The following MIS18BP1 variants were observed in gnomAD, a reference collection of about 807,000 sequenced individuals.
The protein encoded by MIS18BP1 is mis18-binding protein 1.
MIS18BP1 carries 72 observed loss-of-function variants against 116.1 expected under a neutral mutation model. The observed-to-expected ratio is 0.62, with a 90% CI of 0.51 to 0.75. MIS18BP1 has a LOEUF of 0.75. Ranked by LOEUF, MIS18BP1 falls within the 30% of genes least tolerant of loss-of-function variation. The pLI, the probability that MIS18BP1 is intolerant of heterozygous loss-of-function variation, is 0.00. For synonymous variants in MIS18BP1, 386 were observed against 427.0 expected, an observed-to-expected ratio of 0.90 and a Z score of 1.18; for missense variants, 1,363 against 1,303.2, an observed-to-expected ratio of 1.05 and a Z score of -0.71.
At chr14:45,214,508 G>A (rs1890761788) in intron 13 of MIS18BP1, among the ~76,000 whole-genome samples, 1 of 152,100 alleles carries the variant, frequency 6.6e-6, no homozygotes, top group Non-Finnish European at 1.5e-5. Flanking sequence ...TAAATACTGA[G>A]GGAACTCAGA....
rs777910698 is a variant in MIS18BP1 at position 45,224,353 on chromosome 14, G to A, written c.2234C>T (p.Thr745Ile). 6.2e-7 allele frequency: 1 copy of A among 1,613,492 alleles called. No individual in the cohort carries two copies. ...QMLTSDFKKN[T>I]RLLPKLKKIE... ...TTTCTTCAATTTTGGTAATAGTCTG[G>A]TATTTTTCTTAAAGTCAGAGGTGAG... The change falls in exon 11 of 17, where the codon ACC (threonine) becomes ATC (isoleucine). Residue 745 changes from threonine (T) to isoleucine (I), a missense_variant. By Grantham distance (89) the Thr-to-Ile change is moderately conservative. Coordinates refer to ENST00000310806, the MANE Select transcript of MIS18BP1 (RefSeq NM_018353.5).
intron 14 of MIS18BP1, among the ~76,000 whole-genome samples, chr14:45,208,818 G>T (rs971008732): frequency 2.0e-5 from 3 of 152,090 alleles, no homozygotes; most frequent in African/African-American, 7.2e-5. Flanking sequence ...CAAGCTTCCT[G>T]AGAGTACTGA....
chr14:45,240,754 T>C (rs1167569989), intron 4 of MIS18BP1, among the ~76,000 whole-genome samples: 11 of 152,002 alleles, frequency 7.2e-5, no homozygotes, highest in African/African-American at 2.2e-4. Flanking sequence ...AAAAAAAATT[T>C]AGCCGGGCAT....
intron 12 of MIS18BP1, among the ~76,000 whole-genome samples, chr14:45,217,447 C>CA (rs1890853825): frequency 1.3e-5 from 2 of 151,652 alleles, no homozygotes; most frequent in African/African-American, 4.8e-5. Flanking sequence ...ATAGATAAAG[C>CA]AAAAAAAGAA....
intron 4 of MIS18BP1, among the ~76,000 whole-genome samples, chr14:45,241,220 G>A (rs981743368): frequency 1.3e-5 from 2 of 152,092 alleles, no homozygotes; most frequent in Non-Finnish European, 2.9e-5. Context: ...CTCTAATCCC[G>A]GCACTTTGGG....
chr14:45,223,969 C>T lies in MIS18BP1; in HGVS notation c.2618G>A (p.Gly873Asp). 6.2e-7 allele frequency: 1 copy of T among 1,602,650 alleles called. No individual in the cohort carries two copies. Among genetic ancestry groups the T allele is most frequent in the Non-Finnish European group, 8.5e-7 (1 of 1,177,274 alleles). The change falls in exon 11 of 17, where the codon GGT (glycine) becomes GAT (aspartate). Residue 873 changes from glycine (G) to aspartate (D), a missense_variant. Coordinates refer to ENST00000310806, the MANE Select transcript of MIS18BP1 (RefSeq NM_018353.5). ...ATTCCATTCCTTATCCTGAATTAAACCAGGTAAGCATTCTAAGGGATGCCT... is the reference window on the plus strand; with the variant it reads ...ATTCCATTCCTTATCCTGAATTAAATCAGGTAAGCATTCTAAGGGATGCCT... Reference protein sequence around the residue: ...TNRHPLECLPGLIQDKEWNEK... With the variant: ...TNRHPLECLPDLIQDKEWNEK...
In MIS18BP1 at chr14:45,204,144, T is replaced by C. The variant is rs1890444329; in HGVS notation, c.3364A>G (p.Lys1122Glu). ...NAVESLDEEEKDYYFSNSDSA is the reference protein window; with the variant it reads ...NAVESLDEEEEDYYFSNSDSA ...TCAGAGTTCGAAAAATAATAATCTTTCTCTTCTTCATCTAAAGATTCCACA... is the reference window on the plus strand; with the variant it reads ...TCAGAGTTCGAAAAATAATAATCTTCCTCTTCTTCATCTAAAGATTCCACA... Residue 1122 changes from lysine (K) to glutamate (E), a missense_variant, in exon 17 of 17, where the codon AAA becomes GAA. Coordinates refer to ENST00000310806, the MANE Select transcript of MIS18BP1 (RefSeq NM_018353.5). The C allele has an allele frequency of 2.5e-6, 4 of 1,610,926 alleles. No homozygotes were observed. Among genetic ancestry groups the C allele is most frequent in the Non-Finnish European group, 2.5e-6 (3 of 1,178,802 alleles).
chr14:45,225,544 G>T (rs1055946776), intron 10 of MIS18BP1, among the ~76,000 whole-genome samples: 6 of 152,176 alleles, frequency 3.9e-5, no homozygotes, highest in Non-Finnish European at 8.8e-5. Flanking sequence ...AGCTGTGCTA[G>T]TTAGGAGGAC....
chr14:45,207,050 T>G (rs1566799949), intron 14 of MIS18BP1, among the ~76,000 whole-genome samples: 1 of 152,216 alleles, frequency 6.6e-6, no homozygotes, highest in Non-Finnish European at 1.5e-5. Context: ...TTCATTTCCT[T>G]TACCTTATCT....
intron 14 of MIS18BP1, among the ~76,000 whole-genome samples, chr14:45,208,102 T>C (rs928486428): frequency 2.0e-5 from 3 of 152,188 alleles, no homozygotes; most frequent in African/African-American, 7.2e-5. Flanking sequence ...TTCCTAGCTT[T>C]TGAAAACTAC....
chr14:45,213,615 CA>C (rs1890735149), intron 13 of MIS18BP1, among the ~76,000 whole-genome samples: 1 of 152,146 alleles, frequency 6.6e-6, no homozygotes, highest in African/African-American at 2.4e-5. Flanking sequence ...TAGCCATAGA[CA>C]ATATACAAAC....
chr14:45,238,797 C>T (rs904445327), intron 4 of MIS18BP1, among the ~76,000 whole-genome samples: 1 of 152,108 alleles, frequency 6.6e-6, no homozygotes, highest in Non-Finnish European at 1.5e-5. Flanking sequence ...GAACAAGACT[C>T]TGTCTCAAAA....
At chr14:45,226,086 T>C (rs1717352458) in intron 10 of MIS18BP1, among the ~76,000 whole-genome samples, 1 of 152,202 alleles carries the variant, frequency 6.6e-6, no homozygotes, top group African/African-American at 2.4e-5. Flanking sequence ...TTGAAAATTT[T>C]CAACATTATA....
chr14:45,244,918 A>G (rs1594528054), intron 2 of MIS18BP1, among the ~76,000 whole-genome samples: 1 of 152,090 alleles, frequency 6.6e-6, no homozygotes. Context: ...TTTCCTCTCA[A>G]CTACTGAAGG....
intron 1 of MIS18BP1, among the ~76,000 whole-genome samples, chr14:45,248,068 T>C (rs1178368271): frequency 6.8e-6 from 1 of 147,696 alleles, no homozygotes; most frequent in Non-Finnish European, 1.5e-5. Flanking sequence ...TTTTTTTTTT[T>C]TTTTTCTTTT....
intron 8 of MIS18BP1, among the ~76,000 whole-genome samples, chr14:45,228,890 TG>T (rs1318564363): frequency 6.6e-6 from 1 of 152,196 alleles, no homozygotes; most frequent in African/African-American, 2.4e-5. Flanking sequence ...TAAATTAACA[TG>T]GGTTGGTACC....
rs1405180235 is a variant in MIS18BP1, at chr14:45,247,103, G to A, written c.184C>T (p.Gln62Ter). 6.2e-7 allele frequency: 1 copy of A among 1,612,338 alleles called. No individual in the cohort carries two copies. The highest frequency in any genetic ancestry group is 1.3e-5 in the African/African-American group (1 of 74,958). Residue 62 changes from glutamine (Q) to a stop codon, truncating the protein, a stop_gained, in exon 2 of 17, where the codon CAG (glutamine) becomes TAG (stop). Coordinates refer to ENST00000310806, the MANE Select transcript of MIS18BP1 (RefSeq NM_018353.5). LOFTEE classifies it high-confidence loss of function. ...TTAAAAGTTGTCATTTTTAGGAACT[G>A]ATTCTTTTTATGGTCATTCAATTTT... The part of the protein sequence containing the change: ...SLKLNDHKKN[Q>*]FLKMTTFNNK...
chr14:45,240,625 T>C (rs924996219), intron 4 of MIS18BP1, among the ~76,000 whole-genome samples: 1 of 151,894 alleles, frequency 6.6e-6, no homozygotes, highest in Non-Finnish European at 1.5e-5. Context: ...AAACAAAAAG[T>C]AGTGTAGCAG....
chr14:45,224,073 G>A lies in MIS18BP1; in HGVS notation c.2514C>T (p.Ser838=), dbSNP rs766839753. ...CAGACTTCTGAAGAGTTTCTTTGAC[G>A]GAAGGTCTAGCTTTCTTTTGTTTGA... ...FYIKQKKARP[S]VKETLQKSGV... is the part of the protein sequence containing the mutation. Residue 838 remains serine (S), a synonymous_variant, in exon 11 of 17, where the codon TCC becomes TCT. Coordinates refer to ENST00000310806, the MANE Select transcript of MIS18BP1 (RefSeq NM_018353.5). 3.7e-6 allele frequency: 6 copies of A among 1,613,448 alleles called. No individual in the cohort carries two copies. The highest frequency in any genetic ancestry group is 2.2e-5 in the East Asian group (1 of 44,842).
Sources: gnomAD v4.1 joint callset for allele counts (sites outside exome capture counted in the v4.1 genomes callset) on GRCh38, gnomAD v4.1.1 for gene constraint, MANE v1.5 for transcripts, NCBI Gene and HGNC (gene_info 2026-07-23, HGNC 2026-07-21) for gene names.